LRFN5: variants seen among roughly 807,000 people sequenced by gnomAD.
LRFN5 encodes leucine rich repeat and fibronectin type III domain containing 5.
Under a neutral mutation model 45.6 loss-of-function variants are expected in LRFN5, and 24 were observed. That is an observed-to-expected ratio of 0.53 (90% CI 0.38 to 0.74). LRFN5 has a LOEUF of 0.74. Ranked by LOEUF, LRFN5 falls within the 30% of genes least tolerant of loss-of-function variation. The pLI is 0.00. For missense variants in LRFN5, 776 were observed against 861.5 expected (o/e 0.90, Z 1.24); for synonymous variants, 340 against 313.8 (o/e 1.08, Z -0.88).
chr14:41,622,765 T>A (rs971622549), intron 1 of LRFN5, among the ~76,000 whole-genome samples: 2 of 152,156 alleles, frequency 1.3e-5, no homozygotes, highest in African/African-American at 4.8e-5. Context: ...ATCACACAAG[T>A]GCTGAAGAAT....
intron 2 of LRFN5, among the ~76,000 whole-genome samples, chr14:41,838,381 T>C (rs1393586340): frequency 6.6e-6 from 1 of 152,174 alleles, no homozygotes; most frequent in Non-Finnish European, 1.5e-5. Context: ...GGATAAGAGC[T>C]GCAATCCTGG....
chr14:41,901,088 G>A (rs1034177771), intron 5 of LRFN5, among the ~76,000 whole-genome samples: 28 of 151,984 alleles, frequency 1.8e-4, no homozygotes, highest in Admixed American at 6.6e-5. Flanking sequence ...GTATATAAAA[G>A]TTGAGTGGCC....
chr14:41,880,031 C>T (rs111231186), intron 2 of LRFN5, among the ~76,000 whole-genome samples: 1,797 of 147,818 alleles, frequency 0.012, 40 homozygotes, highest in African/African-American at 0.043. Flanking sequence ...GGGTTCGCGT[C>T]AGTCTCCTGC....
chr14:41,702,178 T>C (rs183901534), intron 1 of LRFN5, among the ~76,000 whole-genome samples: 1 of 152,290 alleles, frequency 6.6e-6, no homozygotes, highest in African/African-American at 2.4e-5. Context: ...ACTCCATCTG[T>C]AAGTACAAGT....
At chr14:41,670,810 T>G (rs1327431547) in intron 1 of LRFN5, among the ~76,000 whole-genome samples, 2 of 152,018 alleles carry the variant, frequency 1.3e-5, no homozygotes, top group African/African-American at 4.8e-5. Context: ...AAATTTTCTG[T>G]TTTTTAACTT....
chr14:41,886,019 CA>C lies in LRFN5; in HGVS notation c.-20-566del, dbSNP rs35648547. Among the ~76,000 whole-genome samples, 252 of 88,764 alleles carry C rather than the reference CA, an allele frequency of 2.8e-3. 2 individuals are homozygous for C. Among genetic ancestry groups the C allele is most frequent in the African/African-American group, 0.01 (216 of 21,328 alleles). 58.2% of individuals were successfully genotyped at this position (88,764 alleles called of 152,430 possible). On this transcript the variant is annotated intron_variant, in intron 2 of 5. Coordinates refer to ENST00000298119, the MANE Select transcript of LRFN5 (RefSeq NM_152447.5). ...CTGGGCAACAAAGCAAGGCTCGTCT[CA>C]AAAAAAAAAAAAAAAAAAAATAGTG...
intron 2 of LRFN5, among the ~76,000 whole-genome samples, chr14:41,856,675 A>ATTATTATTATTATTTTTTTTTTT: frequency 4.4e-4 from 8 of 18,328 alleles, no homozygotes; most frequent in African/African-American, 6.4e-4. Flanking sequence ...TATTATTATT[A>ATTATTATTATTATTTTTTTTTTT]TTTTTTTTTT....
intron 2 of LRFN5, among the ~76,000 whole-genome samples, chr14:41,774,603 A>G (rs1886210288): frequency 1.3e-5 from 2 of 152,260 alleles, no homozygotes; most frequent in African/African-American, 2.4e-5. Flanking sequence ...TTGTATGGAA[A>G]AAACATCAGG....
intron 1 of LRFN5, among the ~76,000 whole-genome samples, chr14:41,729,545 A>G (rs1384367735): frequency 6.6e-6 from 1 of 152,112 alleles, no homozygotes. Flanking sequence ...ACATTATAGT[A>G]TTACCTATCC....
At position 41,607,662 on chromosome 14, in the gene LRFN5, C is replaced by T; in HGVS notation, c.-1097C>T. 6.6e-6 allele frequency: 1 copy of T among 152,294 alleles called. No individual in the cohort carries two copies. Among genetic ancestry groups the T allele is most frequent in the East Asian group, 1.9e-4 (1 of 5,162 alleles). The allele number at this position is 152,294 out of a possible 1,614,324, so 9.4% of individuals were successfully genotyped here. A position where few individuals can be genotyped will look rare whatever the true frequency, so the allele number is the denominator to read the frequency against. ...GGGTTCTTGCAGAGCTCTGAGGACG[C>T]CCAGACCCATTTTCCTGGCTGGATT... On this transcript the variant is annotated 5_prime_UTR_variant, in exon 1 of 6. Transcript: ENST00000298119.
At chr14:41,853,586 G>A (rs1051837540) in intron 2 of LRFN5, among the ~76,000 whole-genome samples, 1 of 151,836 alleles carries the variant, frequency 6.6e-6, no homozygotes, top group Non-Finnish European at 1.5e-5. Context: ...TTTCCATTTT[G>A]GATATATTAT....
chr14:41,887,425 C>A lies in LRFN5; in HGVS notation c.800C>A (p.Pro267Gln). Reference protein sequence around the residue: ...EDDLETCASPPLLTGRYFWSI... With the variant: ...EDDLETCASPQLLTGRYFWSI... ...GACTTAGAGACCTGTGCTTCTCCTC[C>A]ACTTTTAACTGGCCGCTACTTTTGG... is the stretch of plus-strand genomic sequence containing the variant. Residue 267 changes from proline (P) to glutamine (Q), a missense_variant, in exon 3 of 6, where the codon CCA becomes CAA. Around this residue, in one of 2 missense-constraint regions of LRFN5, gnomAD observed 311 missense variants for 405.1 expected, o/e 0.77. Coordinates refer to ENST00000298119, the MANE Select transcript of LRFN5 (RefSeq NM_152447.5). The surrounding 1 kb of genome is among the most constrained non-coding windows in gnomAD (Gnocchi z 4.8). 6.2e-7 allele frequency: 1 copy of A among 1,614,168 alleles called. No homozygotes were observed. Among genetic ancestry groups the A allele is most frequent in the Non-Finnish European group, 8.5e-7 (1 of 1,180,034 alleles).
chr14:41,783,391 T>G (rs1886604825), intron 2 of LRFN5, among the ~76,000 whole-genome samples: 1 of 152,148 alleles, frequency 6.6e-6, no homozygotes, highest in Admixed American at 6.5e-5. Context: ...TCTCCAGATT[T>G]CATTGTGGCA....
intron 1 of LRFN5, among the ~76,000 whole-genome samples, chr14:41,681,824 ATT>A (rs201760109): frequency 1.4e-5 from 1 of 70,126 alleles, no homozygotes. Flanking sequence ...TTATTTATTT[ATT>A]TTTTTTTTTT....
chr14:41,774,066 C>T (rs909076506), intron 2 of LRFN5, among the ~76,000 whole-genome samples: 1 of 152,136 alleles, frequency 6.6e-6, no homozygotes, highest in Non-Finnish European at 1.5e-5. Flanking sequence ...TGAATAAATG[C>T]TCTTCTTTAT....
intron 1 of LRFN5, among the ~76,000 whole-genome samples, chr14:41,675,202 G>T (rs1346979342): frequency 6.6e-6 from 1 of 152,220 alleles, no homozygotes; most frequent in Non-Finnish European, 1.5e-5. Flanking sequence ...AGACGGGGTG[G>T]CGGCCAGGCA....
intron 1 of LRFN5, among the ~76,000 whole-genome samples, chr14:41,650,885 A>AAGAGAGAGAG (rs553509448): frequency 9.5e-6 from 1 of 104,906 alleles, no homozygotes; most frequent in East Asian, 3.5e-4. Flanking sequence ...GAGACAGAGA[A>AAGAGAGAGAG]AGAGAGAGAG....
intron 1 of LRFN5, among the ~76,000 whole-genome samples, chr14:41,706,430 G>A (rs1883070599): frequency 6.6e-6 from 1 of 151,962 alleles, no homozygotes; most frequent in South Asian, 2.1e-4. Flanking sequence ...AAATTTTAGT[G>A]CTTTTTTTAA....
intron 2 of LRFN5, among the ~76,000 whole-genome samples, chr14:41,769,801 T>G (rs754598850): frequency 1.8e-4 from 28 of 152,304 alleles, no homozygotes; most frequent in Non-Finnish European, 3.7e-4. Flanking sequence ...CATTTGACAA[T>G]TTGTAGTATT....
Sources: allele counts gnomAD v4.1 joint callset (sites outside exome capture counted in the v4.1 genomes callset), GRCh38; gene constraint gnomAD v4.1.1; regional missense constraint gnomAD v4.1.1; non-coding constraint Gnocchi (gnomAD v3.1); transcripts MANE v1.5; gene names NCBI Gene and HGNC (gene_info 2026-07-23, HGNC 2026-07-21).